The following MMEL1 variants were observed in gnomAD, a reference collection of about 807,000 sequenced individuals.
MMEL1 encodes the protein membrane metalloendopeptidase like 1, also known as membrane metallo-endopeptidase-like 1.
In MMEL1, 98 loss-of-function variants were observed where a neutral mutation model predicts 117.1. The observed-to-expected ratio is 0.84, with a 90% confidence interval of 0.71 to 0.99. The LOEUF is 0.99. Ranked by LOEUF, MMEL1 falls within the 50% of genes least tolerant of loss-of-function variation. The probability of loss-of-function intolerance (pLI) is 0.00; values close to 1 mark genes in which losing one functional copy is unlikely to be tolerated. For missense variants in MMEL1, 1,014 were observed against 1,049.1 expected (o/e 0.97, Z 0.46); for synonymous variants, 390 against 415.1 (o/e 0.94, Z 0.74).
chr1:2,594,314 G>A (rs1391786077), intron 18 of MMEL1, 71 bp downstream of exon 18: 3 of 1,468,110 alleles, frequency 2.0e-6, no homozygotes, highest in Non-Finnish European at 1.9e-6. Context: ...GGGATGGGCA[G>A]GGGGCTGCAA....
chr1:2,620,473 G>A (rs1645273031), intron 2 of MMEL1, among the ~76,000 whole-genome samples: 1 of 152,192 alleles, frequency 6.6e-6, no homozygotes. Flanking sequence ...GTGGGATTCA[G>A]AGGTCTTACC....
intron 11 of MMEL1, among the ~76,000 whole-genome samples, chr1:2,599,784 G>T (rs1644902108): frequency 6.6e-6 from 1 of 151,692 alleles, no homozygotes; most frequent in Non-Finnish European, 1.5e-5. Flanking sequence ...TTGAACCTGG[G>T]AGGCAGAGGT....
rs1413105054 is a variant in MMEL1 at position 2,612,737 on chromosome 1, C to T, written c.155-533G>A. Among the ~76,000 whole-genome samples the T allele has an allele frequency of 6.6e-6, 1 of 152,166 alleles. No individual in the cohort carries two copies. Among genetic ancestry groups the T allele is most frequent in the Non-Finnish European group, 1.5e-5 (1 of 68,026 alleles). ...AAGCCACCCTCCCTCCATCTCTCTA[C>T]TGCCTGCTGGGAGGGGCCTGCCTGG... On this transcript the variant is annotated intron_variant, in intron 2 of 23. Transcript: ENST00000378412. This position sits in a 1 kb window ranked among gnomAD's most constrained non-coding sequence, Gnocchi z 5.4.
In MMEL1 at chr1:2,612,086, C is replaced by G; in HGVS notation, c.232+41G>C. ...CCCCCCACCTTGGGAGGCCAGCGCCCACCTGCCTGGGGCTGTTTTGGAAGG... is the reference window on the plus strand; with the variant it reads ...CCCCCCACCTTGGGAGGCCAGCGCCGACCTGCCTGGGGCTGTTTTGGAAGG... On this transcript the variant is annotated intron_variant, in intron 3 of 23. Transcript: ENST00000378412. The surrounding 1 kb of genome is among the most constrained non-coding windows in gnomAD (Gnocchi z 5.4). The G allele has an allele frequency of 6.5e-7, 1 of 1,528,054 alleles. No individual in the cohort carries two copies. Among genetic ancestry groups the G allele is most frequent in the South Asian group, 1.2e-5 (1 of 84,072 alleles). The allele number at this position is 1,528,054 out of a possible 1,614,324, so 94.7% of individuals were successfully genotyped here.
intron 13 of MMEL1, among the ~76,000 whole-genome samples, chr1:2,597,430 A>G (rs1644860096): frequency 6.6e-6 from 1 of 151,678 alleles, no homozygotes. Flanking sequence ...TTACTCTAAC[A>G]AAGGTCTTGA....
At chr1:2,614,802 C>A (rs560383364) in intron 2 of MMEL1, among the ~76,000 whole-genome samples, 4 of 151,334 alleles carry the variant, frequency 2.6e-5, no homozygotes, top group Non-Finnish European at 5.9e-5. Context: ...TAAAAGAAGC[C>A]AGGGCTCCTT....
At chr1:2,599,933 A>T (rs2985855) in intron 11 of MMEL1, among the ~76,000 whole-genome samples, 2 of 151,362 alleles carry the variant, frequency 1.3e-5, no homozygotes, top group Non-Finnish European at 2.9e-5. Context: ...GAAGCAGCAG[A>T]AGCAACAAAA....
At position 2,596,033 on chromosome 1, in the gene MMEL1, C is replaced by T. The variant is rs35601812; in HGVS notation, c.1476G>A (p.Glu492=). The T allele has an allele frequency of 2.5e-4, 401 of 1,613,972 alleles. 1 individual carries two copies. The African/African-American group carries it at 4.7e-3, about 19-fold the overall frequency. ...CCTTCTCCTGCGCCTTCTTCTTGGA[C>T]TCCTCGTCCATCCAGCCCAGCTCGT... ...TLDELGWMDE[E]SKKKAQEKAM... Residue 492 remains glutamate (E), a synonymous_variant, in exon 15 of 24, where the codon GAG becomes GAA. Transcript: ENST00000378412.
chr1:2,623,647 C>T, intron 2 of MMEL1, among the ~76,000 whole-genome samples: 1 of 152,194 alleles, frequency 6.6e-6, no homozygotes, highest in East Asian at 1.9e-4. Flanking sequence ...TAGCCGGGAG[C>T]CCCCATCACG....
At chr1:2,616,611 T>C (rs1645204644) in intron 2 of MMEL1, among the ~76,000 whole-genome samples, 2 of 152,174 alleles carry the variant, frequency 1.3e-5, no homozygotes, top group African/African-American at 4.8e-5. Flanking sequence ...CAACAAATGC[T>C]AAAAGGTCTT....
rs756934845 is a variant in MMEL1, at chr1:2,591,565, C to T, written c.2232G>A (p.Leu744=). The T allele has an allele frequency of 6.2e-7, 1 of 1,613,674 alleles. No individual in the cohort carries two copies. The highest frequency in any genetic ancestry group is 1.7e-5 in the Admixed American group (1 of 59,986). The change falls in exon 23 of 24, where the codon CTG becomes CTA. Residue 744 remains leucine (L), a synonymous_variant. Coordinates refer to ENST00000378412, the MANE Select transcript of MMEL1 (RefSeq NM_033467.4). The part of the protein sequence containing the change: ...QSIKTDVHSP[L]KYRVLGSLQN... ...GAGCATGGGAGACTTGCCTGTACTT[C>T]AGGGGACTGTGGACGTCTGTCTTGA...
At chr1:2,607,145 C>A in intron 6 of MMEL1, 76 bp from the exon 7 acceptor site, 2 of 1,303,042 alleles carry the variant, frequency 1.5e-6, no homozygotes, top group East Asian at 2.4e-5. Flanking sequence ...GTGGGGGCGC[C>A]GTTGGCCGGC....
At position 2,629,394 on chromosome 1, in the gene MMEL1, G is replaced by C. The variant is rs1280846600; in HGVS notation, c.91C>G (p.Leu31Val). ...RPGFLEGGLL[L>V]LLLLVTAALV... Reference sequence around the variant, plus strand: ...GCAGCGGTCACCAGCAGCAGCAGCAGCAGCAGCCCCCCCTCCAGGAACCCC... The same window carrying C: ...GCAGCGGTCACCAGCAGCAGCAGCACCAGCAGCCCCCCCTCCAGGAACCCC... The change falls in exon 2 of 24, where the codon CTG becomes GTG. Residue 31 changes from leucine (L) to valine (V), a missense_variant. Transcript: ENST00000378412. The C allele has an allele frequency of 6.5e-7, 1 of 1,546,502 alleles. No homozygotes were observed. The highest frequency in any genetic ancestry group is 1.2e-5 in the South Asian group (1 of 84,016).
chr1:2,600,786 TTGAG>T (rs1307983816), intron 11 of MMEL1, among the ~76,000 whole-genome samples: 8 of 152,198 alleles, frequency 5.3e-5, no homozygotes, highest in Non-Finnish European at 7.3e-5. Flanking sequence ...AATAAGTGCA[TTGAG>T]TAAGACTGCA....
At chr1:2,594,151 C>A (rs1286778127) in intron 18 of MMEL1, 1 of 767,378 alleles carries the variant, frequency 1.3e-6, no homozygotes, top group Non-Finnish European at 2.1e-6. Context: ...CTCCTCCCAC[C>A]ATCCTGTTCT....
chr1:2,624,128 A>C (rs1301879019), intron 2 of MMEL1, among the ~76,000 whole-genome samples: 5 of 152,192 alleles, frequency 3.3e-5, no homozygotes, highest in Non-Finnish European at 7.3e-5. Flanking sequence ...ACGACACCAG[A>C]GAGCCCCCAC....
At chr1:2,613,807 C>A (rs551256073) in intron 2 of MMEL1, among the ~76,000 whole-genome samples, 4 of 152,166 alleles carry the variant, frequency 2.6e-5, no homozygotes, top group African/African-American at 9.6e-5. Context: ...GCTGAGATTG[C>A]ACCACTGCAC....
chr1:2,607,100 G>A (rs370263284), intron 6 of MMEL1, 31 bp from the exon 7 acceptor site: 13 of 1,585,582 alleles, frequency 8.2e-6, no homozygotes, highest in Non-Finnish European at 1.1e-5. Flanking sequence ...CACTCTCCCA[G>A]CCTCCCTGTG....
chr1:2,605,489 G>T, intron 9 of MMEL1, 69 bp downstream of exon 9: 2 of 1,396,252 alleles, frequency 1.4e-6, no homozygotes, highest in Non-Finnish European at 1.0e-6. Flanking sequence ...GGTGGGCAAC[G>T]GGAAGGCCAG....
Sources: gnomAD v4.1 joint callset for allele counts (sites outside exome capture counted in the v4.1 genomes callset) on GRCh38, gnomAD v4.1.1 for gene constraint, Gnocchi (gnomAD v3.1) non-coding constraint, MANE v1.5 for transcripts, NCBI Gene and HGNC (gene_info 2026-07-23, HGNC 2026-07-21) for gene names.